Variants in ZSCAN25 observed in about 807,000 individuals in gnomAD.
ZSCAN25 encodes zinc finger and SCAN domain-containing protein 25.
In ZSCAN25, 27 loss-of-function variants were observed where a neutral mutation model predicts 38.7. The observed-to-expected ratio is 0.70, with a 90% confidence interval of 0.51 to 0.96. The LOEUF (loss-of-function observed/expected upper bound fraction) is 0.96, where lower values mean the gene tolerates loss of function less well. ZSCAN25 is among the 40% of genes least tolerant of loss of function. The pLI, the probability that ZSCAN25 is intolerant of heterozygous loss-of-function variation, is 0.00. For missense variants in ZSCAN25, 637 were observed against 705.9 expected (o/e 0.90, Z 1.11); for synonymous variants, 273 against 277.7 (o/e 0.98, Z 0.17).
At chr7:99,705,674 T>A in the ZSCAN25 span, 1 of 1,528,086 alleles carries the variant, frequency 6.5e-7, no homozygotes, top group Non-Finnish European at 9.0e-7. Flanking sequence ...TAAAAAAAAA[T>A]TACTGACAAT....
At chr7:99,666,982 A>T in the ZSCAN25 span, 11 of 1,613,922 alleles carry the variant, frequency 6.8e-6, no homozygotes, top group East Asian at 2.2e-4. Context: ...TGAAGGTTGG[A>T]GACAGCAATG....
the ZSCAN25 span, chr7:99,652,801 T>A: frequency 1.8e-5 from 29 of 1,588,300 alleles, no homozygotes; most frequent in East Asian, 6.0e-4. Flanking sequence ...GAAACAGAAT[T>A]GGATAATCTG....
the ZSCAN25 span, chr7:99,717,771 G>T: frequency 2.6e-6 from 3 of 1,157,150 alleles, no homozygotes; most frequent in Non-Finnish European, 3.8e-6. Context: ...CAGGCCCTAT[G>T]ACAGATGCTC....
chr7:99,640,493 C>T, the ZSCAN25 span, among the ~76,000 whole-genome samples: 1 of 152,196 alleles, frequency 6.6e-6, no homozygotes, highest in Non-Finnish European at 1.5e-5. Context: ...GATTCCTGCT[C>T]TCATACCCCA....
the ZSCAN25 span, chr7:99,648,199 T>G: frequency 6.8e-7 from 1 of 1,479,628 alleles, no homozygotes; most frequent in Non-Finnish European, 9.0e-7. Flanking sequence ...TGCAGTACAT[T>G]AGATTAAGCC....
the ZSCAN25 span, chr7:99,679,725 T>C: frequency 8.7e-7 from 1 of 1,148,948 alleles, no homozygotes. Context: ...CTACTTCTCC[T>C]TGAACATCTC....
chr7:99,673,983 G>T, the ZSCAN25 span, among the ~76,000 whole-genome samples: 1,561 of 152,272 alleles, frequency 0.01, 17 homozygotes, highest in Non-Finnish European at 0.015. Flanking sequence ...TTACAATAGC[G>T]AGTGTGAACT....
At chr7:99,720,488 C>G in the ZSCAN25 span, 1 of 1,523,164 alleles carries the variant, frequency 6.6e-7, no homozygotes, top group Admixed American at 1.7e-5. Context: ...GGAAGCCAGA[C>G]TTTGATCCGG....
chr7:99,617,640 G>C (rs947809600), intron 1 of ZSCAN25, among the ~76,000 whole-genome samples: 2 of 152,196 alleles, frequency 1.3e-5, no homozygotes, highest in African/African-American at 2.4e-5. Flanking sequence ...AGCTACTCGG[G>C]AGGCTGAGGT....
At chr7:99,684,972 A>G in the ZSCAN25 span, 2 of 541,462 alleles carry the variant, frequency 3.7e-6, no homozygotes, top group East Asian at 3.3e-5. Flanking sequence ...AACACTCTAC[A>G]CAGACAGGGA....
the ZSCAN25 span, among the ~76,000 whole-genome samples, chr7:99,698,420 C>A: frequency 6.6e-6 from 1 of 152,136 alleles, no homozygotes; most frequent in African/African-American, 2.4e-5. Context: ...ACCCTGAGAG[C>A]TGAGGAATAT....
downstream of ZSCAN25, among the ~76,000 whole-genome samples, chr7:99,636,046 C>CAAAAA (rs780898445): frequency 2.5e-4 from 11 of 43,378 alleles, no homozygotes; most frequent in East Asian, 1.6e-3. Context: ...GACTCCATCT[C>CAAAAA]AAAAAAAAAA....
At chr7:99,618,298 C>T (rs371995750) in intron 1 of ZSCAN25, 2 of 152,124 alleles carry the variant, frequency 1.3e-5, no homozygotes, top group South Asian at 2.1e-4. Context: ...TTTTTGACTT[C>T]ACATTTTTTT....
downstream of ZSCAN25, among the ~76,000 whole-genome samples, chr7:99,636,642 C>A (rs1808296364): frequency 6.6e-6 from 1 of 152,198 alleles, no homozygotes; most frequent in African/African-American, 2.4e-5. Context: ...TTCTTAAATT[C>A]CCTATTTAAT....
the ZSCAN25 span, chr7:99,638,449 T>C: frequency 3.2e-6 from 5 of 1,557,706 alleles, no homozygotes; most frequent in Non-Finnish European, 3.5e-6. Flanking sequence ...CGGTCATTGA[T>C]AATGTGGTGC....
the ZSCAN25 span, among the ~76,000 whole-genome samples, chr7:99,702,494 AG>A: frequency 1.3e-5 from 2 of 152,304 alleles, no homozygotes; most frequent in Admixed American, 1.3e-4. Flanking sequence ...TCCCAGCACC[AG>A]AGGAGACCGT....
chr7:99,693,785 C>T, the ZSCAN25 span, among the ~76,000 whole-genome samples: 3 of 152,202 alleles, frequency 2.0e-5, no homozygotes, highest in Non-Finnish European at 4.4e-5. Flanking sequence ...AGTCACCTAT[C>T]TTCTGCCTCA....
At chr7:99,732,877 T>G in the ZSCAN25 span, among the ~76,000 whole-genome samples, 3 of 151,542 alleles carry the variant, frequency 2.0e-5, no homozygotes, top group African/African-American at 7.2e-5. Flanking sequence ...GTATTCCACA[T>G]AAGTAACCAT....
At chr7:99,617,164 G>A (rs1418952434) in intron 1 of ZSCAN25, 148 bp downstream of exon 1, 1 of 152,214 alleles carries the variant, frequency 6.6e-6, no homozygotes, top group Non-Finnish European at 1.5e-5. Context: ...AGGGCGGCAA[G>A]TCTCTCAGGA....
Sources: allele counts gnomAD v4.1 joint callset (sites outside exome capture counted in the v4.1 genomes callset), GRCh38; gene constraint gnomAD v4.1.1; transcripts MANE v1.5; gene names NCBI Gene and HGNC (gene_info 2026-07-23, HGNC 2026-07-21).